LRBA: variants seen among roughly 807,000 people sequenced by gnomAD.
LRBA encodes the protein LPS responsive beige-like anchor protein.
Under a neutral mutation model 330.0 loss-of-function variants are expected in LRBA, and 176 were observed. The ratio of observed to expected loss-of-function variants is 0.53; its 90% CI spans 0.47 to 0.60. The LOEUF (loss-of-function observed/expected upper bound fraction) is 0.60. LRBA is among the 20% of genes least tolerant of loss of function. LRBA has a pLI of 0.00. For synonymous variants in LRBA, 1,230 were observed against 1,193.0 expected, an observed-to-expected ratio of 1.03 and a Z score of -0.64; for missense variants, 3,259 against 3,444.8, an observed-to-expected ratio of 0.95 and a Z score of 1.35.
intron 31 of LRBA, among the ~76,000 whole-genome samples, chr4:150,816,822 A>C (rs1457072581): frequency 6.6e-6 from 1 of 151,944 alleles, no homozygotes; most frequent in African/African-American, 2.4e-5. Flanking sequence ...AAGTGCAGGG[A>C]AAGAAAATAA....
intron 37 of LRBA, among the ~76,000 whole-genome samples, chr4:150,618,545 T>A (rs947588780): frequency 1.4e-4 from 21 of 152,250 alleles, no homozygotes; most frequent in Non-Finnish European, 1.6e-4. Context: ...CTGGAATAGT[T>A]TTTTATTTTT....
intron 40 of LRBA, among the ~76,000 whole-genome samples, chr4:150,539,286 T>C (rs1281178678): frequency 1.3e-5 from 2 of 152,156 alleles, no homozygotes; most frequent in Non-Finnish European, 2.9e-5. Flanking sequence ...TTGTTTAAAT[T>C]GAGGCTGTAC....
chr4:150,579,379 G>A (rs1274931836), intron 40 of LRBA: 14 of 454,494 alleles, frequency 3.1e-5, no homozygotes, highest in South Asian at 6.2e-5. Context: ...GGGGAGGGGG[G>A]AGAAAGAGAA....
intron 40 of LRBA, among the ~76,000 whole-genome samples, chr4:150,560,973 G>C (rs1003275070): frequency 6.6e-6 from 1 of 151,848 alleles, no homozygotes; most frequent in Non-Finnish European, 1.5e-5. Context: ...CAACAAGAGC[G>C]AAACTCCATC....
chr4:150,432,805 AAAC>A (rs1750613988), intron 46 of LRBA, among the ~76,000 whole-genome samples: 1 of 152,116 alleles, frequency 6.6e-6, no homozygotes, highest in Non-Finnish European at 1.5e-5. Context: ...AACAGGATCA[AAAC>A]AACAACAACA....
intron 40 of LRBA, among the ~76,000 whole-genome samples, chr4:150,545,245 CAT>C (rs1476485489): frequency 6.6e-6 from 1 of 151,998 alleles, no homozygotes; most frequent in Non-Finnish European, 1.5e-5. Flanking sequence ...AAAACTTTGG[CAT>C]ATATATGAGC....
At chr4:150,678,665 G>A (rs1317184104) in intron 37 of LRBA, among the ~76,000 whole-genome samples, 1 of 152,100 alleles carries the variant, frequency 6.6e-6, no homozygotes, top group Non-Finnish European at 1.5e-5. Flanking sequence ...GGGGATACAT[G>A]GGGAAAATGT....
intron 48 of LRBA, among the ~76,000 whole-genome samples, chr4:150,347,752 A>G (rs1736588668): frequency 6.6e-6 from 1 of 152,208 alleles, no homozygotes; most frequent in East Asian, 1.9e-4. Context: ...TAGGTGAAAG[A>G]AAAAATATAA....
chr4:150,773,863 G>A (rs1240847709), intron 34 of LRBA, among the ~76,000 whole-genome samples: 1 of 152,150 alleles, frequency 6.6e-6, no homozygotes, highest in African/African-American at 2.4e-5. Context: ...TTGATCATCT[G>A]GCCCCCATAA....
intron 40 of LRBA, among the ~76,000 whole-genome samples, chr4:150,507,915 A>T (rs1581528352): frequency 6.6e-6 from 1 of 152,242 alleles, no homozygotes; most frequent in Admixed American, 6.5e-5. Flanking sequence ...TGATGAGTTC[A>T]TGTCCTTTGT....
intron 48 of LRBA, among the ~76,000 whole-genome samples, chr4:150,331,946 C>A (rs1262027448): frequency 6.6e-6 from 1 of 152,094 alleles, no homozygotes; most frequent in Admixed American, 6.6e-5. Flanking sequence ...TTAATTTCCT[C>A]TTCTAAAAAT....
At chr4:150,798,948 A>T (rs574539848) in intron 33 of LRBA, among the ~76,000 whole-genome samples, 2 of 152,310 alleles carry the variant, frequency 1.3e-5, no homozygotes, top group African/African-American at 2.4e-5. Flanking sequence ...GTTCCAGGGT[A>T]TAACATCTAA....
At chr4:150,543,289 CTAGGGAA>C in intron 40 of LRBA, among the ~76,000 whole-genome samples, 1 of 152,262 alleles carries the variant, frequency 6.6e-6, no homozygotes, top group South Asian at 2.1e-4. Context: ...GGAGCTTGCA[CTAGGGAA>C]TACATCCTGA....
At chr4:150,827,900 C>T (rs1400748039) in intron 30 of LRBA, among the ~76,000 whole-genome samples, 1 of 152,082 alleles carries the variant, frequency 6.6e-6, no homozygotes, top group Admixed American at 6.6e-5. Flanking sequence ...CTGCACCTGG[C>T]CTTCCTTATG....
At chr4:150,330,777 C>T (rs1027918589) in intron 48 of LRBA, among the ~76,000 whole-genome samples, 2 of 145,318 alleles carry the variant, frequency 1.4e-5, no homozygotes, top group Non-Finnish European at 1.6e-5. Context: ...GTCTGAATAC[C>T]ATATATGTGC....
In LRBA at chr4:150,852,359, G is replaced by A; in HGVS notation, c.3351C>T (p.Gly1117=). 6.2e-7 allele frequency: 1 copy of A among 1,613,502 alleles called. No homozygotes were observed. The highest frequency in any genetic ancestry group is 8.5e-7 in the Non-Finnish European group (1 of 1,179,722). ...GTAGATTAGCTTCCTCAGTAGGACT[G>A]CCTTCTACTTTCAGTTCCACATAAT... The part of the protein sequence containing the change: ...DDDYVELKVE[G]SPTEEANLPT... Residue 1117 remains glycine, a synonymous_variant, in exon 23 of 57, where the codon GGC becomes GGT. Transcript: ENST00000651943.
chr4:150,513,376 A>G (rs1762025635), intron 40 of LRBA, among the ~76,000 whole-genome samples: 1 of 152,224 alleles, frequency 6.6e-6, no homozygotes, highest in African/African-American at 2.4e-5. Flanking sequence ...TTTATAAGGC[A>G]GAGGCCAGAT....
intron 34 of LRBA, among the ~76,000 whole-genome samples, chr4:150,794,308 G>A (rs1328628549): frequency 6.6e-6 from 1 of 152,062 alleles, no homozygotes; most frequent in African/African-American, 2.4e-5. Context: ...GGTGGTGGAA[G>A]AGAGGTATTT....
Position 150,914,210 on chromosome 4 carries a change from C to G in LRBA, c.1146G>C (p.Leu382Phe), listed in dbSNP as rs765833383. 1.9e-6 allele frequency: 3 copies of G among 1,606,818 alleles called. No individual in the cohort carries two copies. The Admixed American group carries it at 5.1e-5, about 27-fold the overall frequency. ...NAAQIFAIYQ[L>F]GLGYKGTFKF... ...AGCAAACTACCTTGTATCCCAGGCC[C>G]AACTGATAAATAGCAAATATCTGAG... Residue 382 changes from leucine to phenylalanine, a missense_variant, in exon 9 of 57, where the codon TTG (leucine) becomes TTC (phenylalanine). Physicochemically the swap from Leu to Phe is conservative, Grantham distance 22. Coordinates refer to ENST00000651943, the MANE Select transcript of LRBA (RefSeq NM_001364905.1).
Sources: allele counts gnomAD v4.1 joint callset (sites outside exome capture counted in the v4.1 genomes callset), GRCh38; gene constraint gnomAD v4.1.1; transcripts MANE v1.5; gene names NCBI Gene and HGNC (gene_info 2026-07-23, HGNC 2026-07-21).